ANO3: variants seen among roughly 807,000 people sequenced by gnomAD.
The protein encoded by ANO3 is anoctamin 3, also known as anoctamin-3.
ANO3 carries 99 observed loss-of-function variants against 144.8 expected under a neutral mutation model. That is an observed-to-expected ratio of 0.68 (90% confidence interval 0.58 to 0.81). The LOEUF is 0.81. ANO3 is among the 30% of genes least tolerant of loss of function. The pLI, the probability that ANO3 is intolerant of heterozygous loss-of-function variation, is 0.00. For synonymous variants in ANO3, 414 were observed against 392.6 expected, an observed-to-expected ratio of 1.05 and a Z score of -0.64; for missense variants, 905 against 1,202.2, an observed-to-expected ratio of 0.75 and a Z score of 3.66.
At chr11:26,377,907 T>G (rs189851808) in intron 1 of ANO3, among the ~76,000 whole-genome samples, 1 of 152,090 alleles carries the variant, frequency 6.6e-6, no homozygotes, top group African/African-American at 2.4e-5. Flanking sequence ...CCATGCAGAA[T>G]TGCATACTTT....
At position 26,333,260 on chromosome 11, in the gene ANO3, A is replaced by T. The variant is rs1462363922; in HGVS notation, c.46+939A>T. Among the ~76,000 whole-genome samples, 3 of 148,846 alleles carry T rather than the reference A, an allele frequency of 2.0e-5. No individual in the cohort carries two copies. In the Admixed American group the frequency reaches 2.1e-4, roughly 10 times the overall value. On this transcript the variant is annotated intron_variant, in intron 1 of 26. Transcript: ENST00000256737. ...TATTATTTGTATTTCTTTCATCAACAGTTGTTTTTATGTAGCTCTTTGACT... is the reference window on the plus strand; with the variant it reads ...TATTATTTGTATTTCTTTCATCAACTGTTGTTTTTATGTAGCTCTTTGACT...
chr11:26,635,207 G>A, intron 20 of ANO3, 137 bp downstream of exon 20: 1 of 667,834 alleles, frequency 1.5e-6, no homozygotes, highest in Non-Finnish European at 2.5e-6. Flanking sequence ...CAGAAAGGAA[G>A]CAACTACATC....
chr11:26,504,808 A>G (rs1294743375), intron 4 of ANO3, among the ~76,000 whole-genome samples: 4 of 20,766 alleles, frequency 1.9e-4, no homozygotes, highest in Admixed American at 1.1e-3. Context: ...CAGATCACAA[A>G]GTCAGGAGAT....
intron 23 of ANO3, among the ~76,000 whole-genome samples, chr11:26,646,924 T>A (rs1041553902): frequency 1.3e-5 from 2 of 152,156 alleles, no homozygotes; most frequent in Non-Finnish European, 2.9e-5. Flanking sequence ...TAACATGTTT[T>A]TAAATTATTA....
chr11:26,319,770 C>T (rs544768157), intron 1 of ANO3, among the ~76,000 whole-genome samples: 1 of 152,192 alleles, frequency 6.6e-6, no homozygotes, highest in South Asian at 2.1e-4. Context: ...AAACATTTTA[C>T]CACCTTATTT....
chr11:26,189,879 G>A (rs1851442514), intron 1 of ANO3, among the ~76,000 whole-genome samples: 1 of 152,112 alleles, frequency 6.6e-6, no homozygotes, highest in Non-Finnish European at 1.5e-5. Flanking sequence ...AAACCTTTGA[G>A]TGTTACCTGC....
intron 1 of ANO3, among the ~76,000 whole-genome samples, chr11:26,353,574 C>T (rs943875709): frequency 1.3e-5 from 2 of 152,136 alleles, no homozygotes; most frequent in Non-Finnish European, 2.9e-5. Context: ...TCCCTTCGTT[C>T]CTTCCTTTCT....
rs1338216770 is a variant in ANO3 at position 26,508,226 on chromosome 11, G to T, written c.555G>T (p.Lys185Asn). The T allele has an allele frequency of 1.2e-6, 2 of 1,601,660 alleles. No homozygotes were observed. Among genetic ancestry groups the T allele is most frequent in the Middle Eastern group, 1.8e-4 (1 of 5,474 alleles). Residue 185 changes from lysine (K) to asparagine (N), a missense_variant, in exon 5 of 27, where the codon AAG (lysine) becomes AAT (asparagine). By Grantham distance (94) the Lys-to-Asn change is moderately conservative. Transcript: ENST00000256737. ...ATGATAAAAGAAACACATTTGAAAA[G>T]AACCTCAGAGCAGAAGGCTTGATGT... ...IQYDKRNTFE[K>N]NLRAEGLMLE...
intron 16 of ANO3, 129 bp downstream of exon 16, chr11:26,599,127 G>A (rs1455505368): frequency 1.0e-5 from 10 of 969,148 alleles, no homozygotes; most frequent in Non-Finnish European, 1.6e-5. Flanking sequence ...TTGGTAACAC[G>A]TACAATTAAA....
chr11:26,385,186 TTGAA>T (rs1856689947), intron 1 of ANO3, among the ~76,000 whole-genome samples: 1 of 152,160 alleles, frequency 6.6e-6, no homozygotes, highest in Non-Finnish European at 1.5e-5. Flanking sequence ...GAAAAATAGA[TTGAA>T]TAAGTAAACA....
chr11:26,526,521 T>G (rs537162511), intron 7 of ANO3, among the ~76,000 whole-genome samples: 1 of 152,278 alleles, frequency 6.6e-6, no homozygotes, highest in East Asian at 1.9e-4. Flanking sequence ...AAGCTAGAAC[T>G]GTATGGTGTG....
chr11:26,450,954 CTATAT>C (rs1213070060), intron 3 of ANO3, among the ~76,000 whole-genome samples: 9 of 152,156 alleles, frequency 5.9e-5, no homozygotes, highest in Non-Finnish European at 8.8e-5. Context: ...TAATAGTCTG[CTATAT>C]TATATTGGTC....
chr11:26,507,607 T>G (rs1048552572), intron 4 of ANO3, among the ~76,000 whole-genome samples: 22 of 152,156 alleles, frequency 1.4e-4, no homozygotes, highest in African/African-American at 5.3e-4. Context: ...AGAAATAAAA[T>G]TGGTTTGAGT....
At chr11:26,398,316 A>G (rs560587645) in intron 1 of ANO3, among the ~76,000 whole-genome samples, 1 of 152,198 alleles carries the variant, frequency 6.6e-6, no homozygotes, top group African/African-American at 2.4e-5. Context: ...GCATATAATC[A>G]AGGAGAATGA....
At chr11:26,589,477 G>A (rs1851382503) in intron 14 of ANO3, among the ~76,000 whole-genome samples, 1 of 147,832 alleles carries the variant, frequency 6.8e-6, no homozygotes. Context: ...CATTTAAAGT[G>A]TCCAATTCAA....
At chr11:26,245,020 T>TGTGTGTGTGTGTGTGC (rs1261271327) in intron 1 of ANO3, among the ~76,000 whole-genome samples, 1 of 141,510 alleles carries the variant, frequency 7.1e-6, no homozygotes, top group African/African-American at 2.7e-5. Context: ...TGTGTGTGTG[T>TGTGTGTGTGTGTGTGC]GCATGCATGC....
intron 1 of ANO3, among the ~76,000 whole-genome samples, chr11:26,372,097 C>T (rs1246347032): frequency 1.3e-5 from 2 of 152,128 alleles, no homozygotes; most frequent in Non-Finnish European, 2.9e-5. Flanking sequence ...TTCCTATAAT[C>T]CCCACATGTT....
intron 17 of ANO3, among the ~76,000 whole-genome samples, chr11:26,600,261 CTCCTCTCCT>C: frequency 8.8e-6 from 1 of 113,012 alleles, no homozygotes; most frequent in Non-Finnish European, 2.0e-5. Flanking sequence ...CTCCTCTCCT[CTCCTCTCCT>C]CTCCCCTCCC....
rs373387931 is a variant in ANO3 at position 26,441,971 on chromosome 11, C to T, written c.100C>T (p.Arg34Trp). The change falls in exon 2 of 27, where the codon CGG becomes TGG. Residue 34 changes from arginine (R) to tryptophan (W), a missense_variant. Coordinates refer to ENST00000256737, the MANE Select transcript of ANO3 (RefSeq NM_031418.4). ...ITKETSLKPS[R>W]RSLPCLAQSY... ...AAAAGAAACTTCGTTAAAACCGTCT[C>T]GGAGATCCCTGCCTTGCCTCGCCCA... 3.1e-6 allele frequency: 5 copies of T among 1,614,080 alleles called. No homozygotes were observed. Among genetic ancestry groups the T allele is most frequent in the East Asian group, 4.5e-5 (2 of 44,876 alleles).
Sources: allele counts gnomAD v4.1 joint callset (sites outside exome capture counted in the v4.1 genomes callset), GRCh38; gene constraint gnomAD v4.1.1; transcripts MANE v1.5; gene names NCBI Gene and HGNC (gene_info 2026-07-23, HGNC 2026-07-21).